Variants in NELL1 observed in about 807,000 individuals in gnomAD.
NELL1 encodes neural EGFL like 1.
NELL1 carries 76 observed loss-of-function variants against 107.4 expected under a neutral mutation model. That is an observed-to-expected ratio of 0.71 (90% CI 0.59 to 0.86). The LOEUF (loss-of-function observed/expected upper bound fraction) is 0.86, where lower values mean the gene tolerates loss of function less well. Among genes scored for constraint, NELL1 ranks in the 40% least tolerant of loss-of-function variants. The probability of loss-of-function intolerance (pLI) is 0.00; values close to 1 mark genes in which losing one functional copy is unlikely to be tolerated. For synonymous variants in NELL1, 353 were observed against 341.2 expected (o/e 1.03, Z -0.38); for missense variants, 1,024 against 1,005.5 (o/e 1.02, Z -0.25).
intron 12 of NELL1, among the ~76,000 whole-genome samples, chr11:21,110,904 T>C (rs1318559689): frequency 6.6e-6 from 1 of 152,172 alleles, no homozygotes; most frequent in Non-Finnish European, 1.5e-5. Flanking sequence ...TCACACGGCC[T>C]GCAAGGCCTG....
chr11:21,451,045 G>A (rs968940629), intron 15 of NELL1, among the ~76,000 whole-genome samples: 4 of 151,762 alleles, frequency 2.6e-5, no homozygotes, highest in Admixed American at 6.6e-5. Context: ...AAAAAAGCCG[G>A]GTGTGATGGT....
At chr11:20,682,505 A>G (rs1467932828) in intron 2 of NELL1, among the ~76,000 whole-genome samples, 1 of 152,048 alleles carries the variant, frequency 6.6e-6, no homozygotes, top group African/African-American at 2.4e-5. Flanking sequence ...GATTTCATAA[A>G]ATTTAAAGTT....
intron 9 of NELL1, among the ~76,000 whole-genome samples, chr11:20,931,256 G>A (rs967032704): frequency 9.2e-5 from 14 of 152,238 alleles, no homozygotes; most frequent in Middle Eastern, 6.8e-3. Flanking sequence ...GATGCTTCCC[G>A]GAGGACATGG....
intron 1 of NELL1, among the ~76,000 whole-genome samples, chr11:20,671,774 G>GC (rs66586573): frequency 0.16 from 21,182 of 135,664 alleles, 1,580 homozygotes; most frequent in South Asian, 0.23. Flanking sequence ...CAGATTGATG[G>GC]GGGGGGTGGT....
intron 15 of NELL1, among the ~76,000 whole-genome samples, chr11:21,473,341 C>CTAT (rs1040949917): frequency 1.2e-4 from 18 of 152,110 alleles, no homozygotes; most frequent in Admixed American, 1.0e-3. Flanking sequence ...CTTTTTTCAT[C>CTAT]TATTTTCCCA....
At chr11:21,318,070 G>A (rs1331579905) in intron 14 of NELL1, among the ~76,000 whole-genome samples, 1 of 152,016 alleles carries the variant, frequency 6.6e-6, no homozygotes, top group Non-Finnish European at 1.5e-5. Flanking sequence ...GATTTATGGT[G>A]GTATATGTCA....
intron 12 of NELL1, among the ~76,000 whole-genome samples, chr11:21,070,179 A>G (rs17298726): frequency 0.019 from 2,890 of 152,140 alleles, 46 homozygotes; most frequent in Non-Finnish European, 0.028. Context: ...AGTGATTTCA[A>G]TGTGGAGCCT....
Position 21,411,252 on chromosome 11 carries a change from G to T in NELL1, c.1645+40304G>T, listed in dbSNP as rs140929228. ...AAGAAAAAGGAAGTGTTGGAATCCTGCCATATATAGAAAGAGAATGAGAGA... is the reference window on the plus strand; with the variant it reads ...AAGAAAAAGGAAGTGTTGGAATCCTTCCATATATAGAAAGAGAATGAGAGA... On this transcript the variant is annotated intron_variant, in intron 15 of 19. Transcript: ENST00000357134. 5.3e-5 allele frequency among the ~76,000 whole-genome samples: 8 copies of T among 152,172 alleles called. No individual in the cohort carries two copies. In the East Asian group the frequency reaches 1.6e-3, roughly 30 times the overall value.
intron 13 of NELL1, among the ~76,000 whole-genome samples, chr11:21,166,640 G>T (rs980441770): frequency 6.6e-6 from 1 of 151,518 alleles, no homozygotes; most frequent in East Asian, 1.9e-4. Context: ...ACTTAGAAGC[G>T]CACAAAAAAT....
chr11:21,359,423 G>A (rs1851020877), intron 14 of NELL1, among the ~76,000 whole-genome samples: 1 of 151,976 alleles, frequency 6.6e-6, no homozygotes, highest in African/African-American at 2.4e-5. Context: ...TATTGAAGAT[G>A]TATGCATCTA....
At chr11:21,150,480 G>T (rs1328839237) in intron 13 of NELL1, among the ~76,000 whole-genome samples, 1 of 152,096 alleles carries the variant, frequency 6.6e-6, no homozygotes, top group Non-Finnish European at 1.5e-5. Flanking sequence ...ATTGCTAAGA[G>T]CCATAAGAAG....
At chr11:21,394,541 T>G (rs1851943166) in intron 15 of NELL1, among the ~76,000 whole-genome samples, 1 of 151,440 alleles carries the variant, frequency 6.6e-6, no homozygotes, top group East Asian at 2.0e-4. Context: ...GCAGCTCTTA[T>G]TAGCAGAATT....
chr11:21,336,055 T>C (rs1850387161), intron 14 of NELL1, among the ~76,000 whole-genome samples: 1 of 152,114 alleles, frequency 6.6e-6, no homozygotes, highest in African/African-American at 2.4e-5. Context: ...ATAAAATTTT[T>C]CAACATTATT....
chr11:21,290,268 C>T (rs1373272398), intron 14 of NELL1, among the ~76,000 whole-genome samples: 1 of 151,914 alleles, frequency 6.6e-6, no homozygotes, highest in African/African-American at 2.4e-5. Flanking sequence ...ACTTGGGAGG[C>T]TGAGGCAGGA....
At chr11:21,403,806 G>A (rs1295208304) in intron 15 of NELL1, among the ~76,000 whole-genome samples, 4 of 151,690 alleles carry the variant, frequency 2.6e-5, no homozygotes, top group Non-Finnish European at 4.4e-5. Flanking sequence ...GACACAGAAA[G>A]TGGGAGTCTT....
At chr11:20,905,050 G>T (rs1254218056) in intron 5 of NELL1, among the ~76,000 whole-genome samples, 2 of 149,570 alleles carry the variant, frequency 1.3e-5, no homozygotes, top group Non-Finnish European at 3.0e-5. Flanking sequence ...GTGTTGCCCA[G>T]GCAGGTCTCA....
intron 2 of NELL1, among the ~76,000 whole-genome samples, chr11:20,752,791 C>T (rs1320485267): frequency 6.6e-6 from 1 of 151,994 alleles, no homozygotes; most frequent in African/African-American, 2.4e-5. Context: ...CTGGTGAGAC[C>T]ACAACATTAC....
chr11:21,275,077 CA>C (rs1327928161), intron 14 of NELL1, among the ~76,000 whole-genome samples: 1 of 151,754 alleles, frequency 6.6e-6, no homozygotes, highest in Non-Finnish European at 1.5e-5. Flanking sequence ...GATGGACACA[CA>C]AAAAAACCCT....
chr11:21,150,681 T>G (rs75866915), intron 13 of NELL1, among the ~76,000 whole-genome samples: 2,261 of 152,280 alleles, frequency 0.015, 71 homozygotes, highest in African/African-American at 0.051. Flanking sequence ...GGGCAATTTT[T>G]TAATTGCTGA....
Sources: allele counts gnomAD v4.1 joint callset (sites outside exome capture counted in the v4.1 genomes callset), GRCh38; gene constraint gnomAD v4.1.1; transcripts MANE v1.5; gene names NCBI Gene and HGNC (gene_info 2026-07-23, HGNC 2026-07-21).